HIRA: variants seen among roughly 807,000 people sequenced by gnomAD.
HIRA encodes the protein protein HIRA.
HIRA carries 13 observed loss-of-function variants against 126.6 expected under a neutral mutation model. That is an observed-to-expected ratio of 0.10 (90% CI 0.07 to 0.16). The LOEUF is 0.16. Among genes scored for constraint, HIRA ranks in the 10% least tolerant of loss-of-function variants. HIRA has a pLI of 1.00. For synonymous variants in HIRA, 511 were observed against 520.0 expected, an observed-to-expected ratio of 0.98 and a Z score of 0.24; for missense variants, 834 against 1,314.4, an observed-to-expected ratio of 0.63 and a Z score of 5.65.
Position 19,369,365 on chromosome 22 carries a change from TGAAG to T in HIRA, c.1775+6262_1775+6265del, listed in dbSNP as rs200192059. ...ACTGCCCAACCACTGTGACGCACAA[TGAAG>T]GAACAACAGCAGGAGCTGACATGTG... On this transcript the variant is annotated intron_variant, in intron 15 of 24. Transcript: ENST00000263208. 5.2e-3 allele frequency among the ~76,000 whole-genome samples: 785 copies of T among 152,104 alleles called. 13 individuals carry two copies. The highest frequency in any genetic ancestry group is 0.019 in the African/African-American group (769 of 41,488).
chr22:19,385,614 C>G lies in HIRA; in HGVS notation c.1236G>C (p.Gln412His). 1.9e-6 allele frequency: 3 copies of G among 1,609,696 alleles called. No individual in the cohort carries two copies. Among genetic ancestry groups the G allele is most frequent in the Non-Finnish European group, 2.5e-6 (3 of 1,176,900 alleles). ...LKYQRRQQQQ[Q>H]LDQKSAATRE... The stretch of plus-strand genomic sequence containing the variant: ...TGGTCGCAGCACTCTTCTGGTCCAG[C>G]TGCTGCTGCTGCTGCCTTCGCTGGT... The change falls in exon 12 of 25, where the codon CAG (glutamine) becomes CAC (histidine). Residue 412 changes from glutamine (Q) to histidine (H), a missense_variant. By Grantham distance (24) the Gln-to-His change is conservative. Coordinates refer to ENST00000263208, the MANE Select transcript of HIRA (RefSeq NM_003325.4).
intron 11 of HIRA, 56 bp downstream of exon 11, chr22:19,387,655 G>T: frequency 7.5e-7 from 1 of 1,329,698 alleles, no homozygotes. Context: ...GGGTCTCTCA[G>T]AGCTATTGTG....
chr22:19,409,851 C>A (rs891049656), intron 2 of HIRA, among the ~76,000 whole-genome samples: 2 of 152,206 alleles, frequency 1.3e-5, no homozygotes, highest in African/African-American at 4.8e-5. Context: ...TGCTGCACCT[C>A]CTCCTCTCGG....
intron 15 of HIRA, among the ~76,000 whole-genome samples, chr22:19,363,666 G>C (rs1209564629): frequency 1.3e-5 from 2 of 152,170 alleles, no homozygotes; most frequent in African/African-American, 4.8e-5. Context: ...GGGAGGCCAA[G>C]GTGGGCAGAT....
intron 5 of HIRA, among the ~76,000 whole-genome samples, chr22:19,405,124 A>G (rs2089298171): frequency 1.3e-5 from 2 of 152,174 alleles, no homozygotes; most frequent in South Asian, 2.1e-4. Context: ...TGCCTTGTCT[A>G]TAAAGATCCA....
At chr22:19,355,657 A>T (rs1556012252) in intron 21 of HIRA, 103 bp downstream of exon 21, 4 of 759,192 alleles carry the variant, frequency 5.3e-6, no homozygotes, top group East Asian at 2.6e-5. Flanking sequence ...GACTCTCAGG[A>T]AAAGCAGGGC....
At chr22:19,429,656 G>A (rs1200733989) in intron 1 of HIRA, among the ~76,000 whole-genome samples, 1 of 152,156 alleles carries the variant, frequency 6.6e-6, no homozygotes, top group East Asian at 1.9e-4. Context: ...TGATCTGAGT[G>A]TAGTCTCTTA....
intron 1 of HIRA, among the ~76,000 whole-genome samples, chr22:19,418,243 C>T (rs777415724): frequency 7.9e-5 from 12 of 152,064 alleles, no homozygotes; most frequent in Non-Finnish European, 1.8e-4. Flanking sequence ...TATCTGACCA[C>T]AATTTTTAAA....
At chr22:19,358,574 A>G (rs1346397352) in intron 18 of HIRA, among the ~76,000 whole-genome samples, 1 of 152,210 alleles carries the variant, frequency 6.6e-6, no homozygotes, top group African/African-American at 2.4e-5. Context: ...AGGGAGGAAC[A>G]GAACAAACAG....
chr22:19,419,831 G>C (rs2089429103), intron 1 of HIRA, among the ~76,000 whole-genome samples: 1 of 152,160 alleles, frequency 6.6e-6, no homozygotes, highest in Non-Finnish European at 1.5e-5. Flanking sequence ...ACTGCTGTGG[G>C]GACTCAGATT....
At chr22:19,359,255 T>G (rs2088841588) in intron 18 of HIRA, 81 bp downstream of exon 18, 1 of 1,386,976 alleles carries the variant, frequency 7.2e-7, no homozygotes, top group Non-Finnish European at 9.4e-7. Flanking sequence ...GTCATGCACC[T>G]CCCCTAGACA....
At chr22:19,366,528 C>A (rs2088915174) in intron 15 of HIRA, among the ~76,000 whole-genome samples, 1 of 152,062 alleles carries the variant, frequency 6.6e-6, no homozygotes, top group African/African-American at 2.4e-5. Context: ...GGATTCCAAC[C>A]CTCATGAATG....
intron 24 of HIRA, among the ~76,000 whole-genome samples, chr22:19,350,239 G>A (rs1556010403): frequency 6.6e-6 from 1 of 152,144 alleles, no homozygotes; most frequent in East Asian, 1.9e-4. Context: ...GCAGATCCAT[G>A]AATGCAGGGA....
Position 19,337,853 on chromosome 22 carries a change from G to A in HIRA, c.2938-6297C>T, listed in dbSNP as rs191177913. Among the ~76,000 whole-genome samples the A allele has an allele frequency of 2.9e-3, 442 of 152,144 alleles. 2 individuals are homozygous for A. Among genetic ancestry groups the A allele is most frequent in the South Asian group, 0.013 (64 of 4,824 alleles). ...GTCATCCAGGCTGGAGTGCAGTGGTGCAATCTTGGCTCACTGCAATCTCTG... is the reference window on the plus strand; with the variant it reads ...GTCATCCAGGCTGGAGTGCAGTGGTACAATCTTGGCTCACTGCAATCTCTG... On this transcript the variant is annotated intron_variant, in intron 24 of 24. Transcript: ENST00000263208.
chr22:19,334,591 A>C (rs2088541883), intron 24 of HIRA, among the ~76,000 whole-genome samples: 3 of 151,348 alleles, frequency 2.0e-5, no homozygotes, highest in African/African-American at 7.3e-5. Context: ...GTTCGAGACC[A>C]GTCTGGCCAA....
At chr22:19,401,326 C>T (rs571692448) in intron 5 of HIRA, among the ~76,000 whole-genome samples, 1 of 152,278 alleles carries the variant, frequency 6.6e-6, no homozygotes, top group Admixed American at 6.5e-5. Context: ...GACAGGGTCT[C>T]GCTATGATGC....
intron 15 of HIRA, among the ~76,000 whole-genome samples, chr22:19,362,662 G>C (rs2088875235): frequency 6.6e-6 from 1 of 151,934 alleles, no homozygotes; most frequent in Non-Finnish European, 1.5e-5. Context: ...CTGGGGTCAA[G>C]TGATTCTCCT....
chr22:19,359,298 G>A (rs376450821), intron 18 of HIRA, 38 bp downstream of exon 18: 33 of 1,507,250 alleles, frequency 2.2e-5, no homozygotes, highest in Middle Eastern at 1.8e-4. Flanking sequence ...ATGTGTGCCT[G>A]TGTCACCTGG....
At chr22:19,423,728 G>A (rs567389055) in intron 1 of HIRA, among the ~76,000 whole-genome samples, 2 of 152,294 alleles carry the variant, frequency 1.3e-5, no homozygotes, top group African/African-American at 4.8e-5. Context: ...GCCTACCCTA[G>A]GTTTGTTAAT....
Sources: allele counts gnomAD v4.1 joint callset (sites outside exome capture counted in the v4.1 genomes callset), GRCh38; gene constraint gnomAD v4.1.1; transcripts MANE v1.5; gene names NCBI Gene and HGNC (gene_info 2026-07-23, HGNC 2026-07-21).